IL33: variants seen among roughly 807,000 people sequenced by gnomAD.
IL33 encodes the protein interleukin 33, also known as interleukin-33.
IL33 carries 37 observed loss-of-function variants against 27.3 expected under a neutral mutation model. That is an observed-to-expected ratio of 1.36 (90% CI 1.04 to 1.78). IL33 has a LOEUF of 1.78. IL33 is among the 40% of genes most tolerant of loss of function. The pLI, the probability that IL33 is intolerant of heterozygous loss-of-function variation, is 0.00. For missense variants in IL33, 406 were observed against 311.4 expected (o/e 1.30, Z -2.29); for synonymous variants, 132 against 102.9 (o/e 1.28, Z -1.71).
chr9:6,217,878 A>G (rs183326174), intron 1 of IL33, among the ~76,000 whole-genome samples: 2 of 146,942 alleles, frequency 1.4e-5, no homozygotes, highest in East Asian at 3.9e-4. Context: ...TAGGGCAAAG[A>G]CCCGTATTTC....
chr9:6,239,671 G>C (rs557100299), intron 1 of IL33, among the ~76,000 whole-genome samples: 1 of 151,874 alleles, frequency 6.6e-6, no homozygotes, highest in Admixed American at 6.6e-5. Context: ...CTCACCCTTG[G>C]TGTGTCCACC....
upstream of IL33, among the ~76,000 whole-genome samples, chr9:6,215,509 A>C (rs1818096993): frequency 6.6e-6 from 1 of 152,248 alleles, no homozygotes; most frequent in Admixed American, 6.5e-5. Flanking sequence ...ATAAATGGCA[A>C]CAGAATTTCA....
chr9:6,246,308 A>G (rs1819852792), intron 2 of IL33, among the ~76,000 whole-genome samples: 1 of 152,112 alleles, frequency 6.6e-6, no homozygotes, highest in African/African-American at 2.4e-5. Flanking sequence ...TTATGCCTGT[A>G]ATCCCAGCAC....
chr9:6,232,158 G>A (rs1038394828), intron 1 of IL33, among the ~76,000 whole-genome samples: 2 of 152,184 alleles, frequency 1.3e-5, no homozygotes, highest in Non-Finnish European at 2.9e-5. Context: ...CTGATCAGAT[G>A]TAGATAATAT....
chr9:6,233,976 G>A (rs1770646158), intron 1 of IL33, among the ~76,000 whole-genome samples: 1 of 152,060 alleles, frequency 6.6e-6, no homozygotes, highest in Non-Finnish European at 1.5e-5. Context: ...CTTCAACCAG[G>A]TCTCTATAGT....
chr9:6,251,336 T>C lies in IL33; in HGVS notation c.343+71T>C, dbSNP rs1456254734. 7 of 1,584,486 alleles carry C rather than the reference T, an allele frequency of 4.4e-6. No individual in the cohort carries two copies. The East Asian group carries it at 1.6e-4, about 36-fold the overall frequency. On this transcript the variant is annotated intron_variant, in intron 4 of 7. Coordinates refer to ENST00000682010, the MANE Select transcript of IL33 (RefSeq NM_033439.4). ...GACACAGGACCCCGGAAAGTGCTAC[T>C]CCAGGTAGCAGTCCCAAGTCTGTGT... is the stretch of plus-strand genomic sequence containing the variant.
At chr9:6,251,641 CT>C in intron 4 of IL33, among the ~76,000 whole-genome samples, 1 of 152,136 alleles carries the variant, frequency 6.6e-6, no homozygotes, top group South Asian at 2.1e-4. Context: ...AATTCTAACA[CT>C]TTATACATTT....
At chr9:6,247,700 C>G (rs959010739) in intron 2 of IL33, among the ~76,000 whole-genome samples, 15 of 152,116 alleles carry the variant, frequency 9.9e-5, no homozygotes, top group African/African-American at 2.4e-4. Context: ...GGAGTGCTCT[C>G]TCCTGCAAAG....
At chr9:6,238,394 C>A (rs1332619202) in intron 1 of IL33, among the ~76,000 whole-genome samples, 2 of 152,196 alleles carry the variant, frequency 1.3e-5, no homozygotes, top group Non-Finnish European at 2.9e-5. Context: ...CATTTACTCC[C>A]ATGGCAAGAC....
At chr9:6,225,466 C>T (rs909899338) in intron 1 of IL33, among the ~76,000 whole-genome samples, 1 of 152,112 alleles carries the variant, frequency 6.6e-6, no homozygotes, top group African/African-American at 2.4e-5. Context: ...AGCTGTGTGA[C>T]CTTGGGGAAG....
intron 2 of IL33, among the ~76,000 whole-genome samples, chr9:6,246,470 G>A (rs780987608): frequency 1.3e-5 from 2 of 151,920 alleles, no homozygotes; most frequent in Non-Finnish European, 2.9e-5. Context: ...GCTGAGGCAG[G>A]AGAATTGCTG....
intron 1 of IL33, among the ~76,000 whole-genome samples, chr9:6,240,441 G>T (rs916990360): frequency 1.3e-5 from 2 of 152,228 alleles, no homozygotes; most frequent in Non-Finnish European, 2.9e-5. Flanking sequence ...GGAAACCAAA[G>T]TTCTTATTTG....
intron 1 of IL33, among the ~76,000 whole-genome samples, chr9:6,221,955 C>T (rs1417635648): frequency 6.6e-6 from 1 of 152,080 alleles, no homozygotes. Context: ...AAGGCTGAGC[C>T]AACTAAGAAT....
intron 1 of IL33, among the ~76,000 whole-genome samples, chr9:6,224,748 T>A (rs937632067): frequency 1.3e-5 from 2 of 152,234 alleles, no homozygotes; most frequent in Admixed American, 6.5e-5. Flanking sequence ...TATCTTTTCA[T>A]GAACAAACAG....
chr9:6,239,877 C>T (rs1819431161), intron 1 of IL33, among the ~76,000 whole-genome samples: 1 of 152,126 alleles, frequency 6.6e-6, no homozygotes, highest in South Asian at 2.1e-4. Context: ...AGCTCCAGAT[C>T]TGGAGCAGCT....
chr9:6,243,676 T>A (rs1819661578), intron 2 of IL33, among the ~76,000 whole-genome samples: 1 of 152,158 alleles, frequency 6.6e-6, no homozygotes. Flanking sequence ...AATTTTAGGA[T>A]CTGTTTTTCA....
At chr9:6,237,358 T>C (rs1247894412) in intron 1 of IL33, among the ~76,000 whole-genome samples, 1 of 152,242 alleles carries the variant, frequency 6.6e-6, no homozygotes, top group Non-Finnish European at 1.5e-5. Flanking sequence ...TTTTTCAGAA[T>C]AGGATTTGAA....
chr9:6,244,213 A>G (rs1471603888), intron 2 of IL33, among the ~76,000 whole-genome samples: 1 of 152,202 alleles, frequency 6.6e-6, no homozygotes, highest in Non-Finnish European at 1.5e-5. Flanking sequence ...TACCTATACC[A>G]TTTAGAGGAC....
intron 1 of IL33, among the ~76,000 whole-genome samples, chr9:6,220,542 A>G: frequency 6.6e-6 from 1 of 152,064 alleles, no homozygotes; most frequent in East Asian, 1.9e-4. Context: ...GCTTTTCTCC[A>G]CTTGTTCTTT....
Sources: allele counts gnomAD v4.1 joint callset (sites outside exome capture counted in the v4.1 genomes callset), GRCh38; gene constraint gnomAD v4.1.1; transcripts MANE v1.5; gene names NCBI Gene and HGNC (gene_info 2026-07-23, HGNC 2026-07-21).